ANO1: variants seen among roughly 807,000 people sequenced by gnomAD.
ANO1 encodes the protein anoctamin-1.
A neutral mutation model predicts 124.0 loss-of-function variants in ANO1; 59 were observed. That is an observed-to-expected ratio of 0.48 (90% confidence interval 0.39 to 0.59). The LOEUF (loss-of-function observed/expected upper bound fraction) is 0.59. Ranked by LOEUF, ANO1 falls within the 20% of genes least tolerant of loss-of-function variation. The pLI, the probability that ANO1 is intolerant of heterozygous loss-of-function variation, is 0.00. For missense variants in ANO1, 1,059 were observed against 1,328.0 expected, an observed-to-expected ratio of 0.80 and a Z score of 3.15; for synonymous variants, 529 against 532.0, an observed-to-expected ratio of 0.99 and a Z score of 0.08.
At chr11:70,108,431 C>A (rs140582554) in intron 6 of ANO1, 27 bp downstream of exon 6, 4 of 1,608,286 alleles carry the variant, frequency 2.5e-6, no homozygotes, top group African/African-American at 1.3e-5. Context: ...GGCTTGAGAT[C>A]AGCATTGGTT....
intron 1 of ANO1, among the ~76,000 whole-genome samples, chr11:69,995,535 A>G (rs1459977121): frequency 1.3e-5 from 2 of 152,162 alleles, no homozygotes; most frequent in Non-Finnish European, 2.9e-5. Context: ...CCTCTTGGCC[A>G]TGACAGTTTC....
intron 1 of ANO1, among the ~76,000 whole-genome samples, chr11:70,057,832 T>C (rs147865245): frequency 0.011 from 1,616 of 152,248 alleles, 26 homozygotes; most frequent in African/African-American, 0.037. Flanking sequence ...ACAGGGGATA[T>C]GATGGCTTAG....
chr11:70,124,958 G>C (rs1292237013), intron 9 of ANO1, among the ~76,000 whole-genome samples: 5 of 152,338 alleles, frequency 3.3e-5, no homozygotes, highest in Middle Eastern at 6.8e-3. Flanking sequence ...ACAGGGCTTG[G>C]AATGGAGCCC....
Position 70,174,785 on chromosome 11 carries a change from AC to A in ANO1, c.2350+3750del, listed in dbSNP as rs1165719356. Among the ~76,000 whole-genome samples the A allele has an allele frequency of 2.0e-5, 3 of 152,080 alleles. No homozygotes were observed. The East Asian group carries it at 5.8e-4, about 30-fold the overall frequency. ...GAAAACCTCACCCTGTATACCGAAG[AC>A]CCCAAAAGGGGACCCTGGGTCTGCT... On this transcript the variant is annotated intron_variant, in intron 22 of 25. Transcript: ENST00000355303.
upstream of ANO1, among the ~76,000 whole-genome samples, chr11:69,983,687 G>C (rs944557227): frequency 2.0e-5 from 3 of 152,176 alleles, no homozygotes; most frequent in African/African-American, 7.2e-5. Flanking sequence ...TAGCAGCCGA[G>C]AGCAATCTTT....
At chr11:69,980,619 A>C in the ANO1 span, among the ~76,000 whole-genome samples, 1 of 147,392 alleles carries the variant, frequency 6.8e-6, no homozygotes, top group Admixed American at 6.8e-5. Flanking sequence ...AGACTGTCTC[A>C]AAAAAAAAAC....
upstream of ANO1, among the ~76,000 whole-genome samples, chr11:69,984,188 A>T (rs1855983597): frequency 6.6e-6 from 1 of 152,230 alleles, no homozygotes; most frequent in Admixed American, 6.5e-5. Flanking sequence ...CACAATGGTC[A>T]GATGGAAAAG....
At position 70,036,597 on chromosome 11, in the gene ANO1, G is replaced by A. The variant is rs1809737; in HGVS notation, c.59-41945G>A. ...GTCTGACTGTGTGTGGTTTGTTTGT[G>A]TTTTTGTTTTGTTTTGTTTTGTTTT... On this transcript the variant is annotated intron_variant, in intron 1 of 27. Coordinates refer to the ANO1 transcript ENST00000531349. 0.012 allele frequency among the ~76,000 whole-genome samples: 1,859 copies of A among 151,114 alleles called. 105 individuals carry two copies. The East Asian group carries it at 0.16, about 13-fold the overall frequency.
At chr11:70,155,597 G>A (rs1232222727) in intron 14 of ANO1, among the ~76,000 whole-genome samples, 3 of 152,174 alleles carry the variant, frequency 2.0e-5, no homozygotes, top group Admixed American at 6.5e-5. Flanking sequence ...CTGCACATTT[G>A]GCCACTACCT....
the ANO1 span, among the ~76,000 whole-genome samples, chr11:69,970,556 G>C: frequency 6.6e-6 from 1 of 152,110 alleles, no homozygotes; most frequent in Non-Finnish European, 1.5e-5. Context: ...TTACATAAGG[G>C]GAACTCTGTG....
At chr11:69,982,642 G>A (rs1281965413), upstream of ANO1, among the ~76,000 whole-genome samples, 6 of 152,158 alleles carry the variant, frequency 3.9e-5, no homozygotes, top group African/African-American at 9.7e-5. Flanking sequence ...GCACAAACCC[G>A]GGTGCTGAGA....
intron 16 of ANO1, among the ~76,000 whole-genome samples, chr11:70,159,653 C>T (rs1565262015): frequency 6.6e-6 from 1 of 152,230 alleles, no homozygotes; most frequent in Non-Finnish European, 1.5e-5. Context: ...TGCTGCAGGG[C>T]GTGCCTGTTG....
At chr11:70,036,463 GGGGTACT>G (rs1555004419) in intron 1 of ANO1, among the ~76,000 whole-genome samples, 1 of 152,076 alleles carries the variant, frequency 6.6e-6, no homozygotes, top group African/African-American at 2.4e-5. Context: ...TCAGTTTTCT[GGGGTACT>G]GCTCAGCCCA....
intron 1 of ANO1, among the ~76,000 whole-genome samples, chr11:70,009,759 G>A (rs1856556369): frequency 6.6e-6 from 1 of 152,130 alleles, no homozygotes; most frequent in South Asian, 2.1e-4. Context: ...AGAGAGGGGA[G>A]AGGTGTTGGG....
chr11:69,977,741 A>ACTGC, the ANO1 span, among the ~76,000 whole-genome samples: 1 of 152,202 alleles, frequency 6.6e-6, no homozygotes, highest in Non-Finnish European at 1.5e-5. Flanking sequence ...CCCCCAGATG[A>ACTGC]CTGCAGCCCC....
In ANO1 at chr11:70,078,797, C is replaced by T. The variant is rs2044109872; in HGVS notation, c.108+83C>T. The T allele has an allele frequency of 1.4e-5, 12 of 882,164 alleles. No homozygotes were observed. In the South Asian group the frequency reaches 3.6e-4, roughly 27 times the overall value. 54.6% of individuals were successfully genotyped at this position (882,164 alleles called of 1,614,324 possible). ...GGCGGGAACCGGGCGGCGGCAGGGC[C>T]TCCTGGGACCCCAGGGCGGGGGCCG... On this transcript the variant is annotated intron_variant, in intron 1 of 25. Coordinates refer to ENST00000355303, the MANE Select transcript of ANO1 (RefSeq NM_018043.7).
At position 70,188,309 on chromosome 11, in the gene ANO1, ACTTGAGTCT is replaced by A. The variant is rs2049225416; in HGVS notation, c.*307_*315del. On this transcript the variant is annotated 3_prime_UTR_variant, in exon 26 of 26. Coordinates refer to ENST00000355303, the MANE Select transcript of ANO1 (RefSeq NM_018043.7). ...TGCTTTGCAGAAAGAATGCTTGGAA[ACTTGAGTCT>A]CCCTAGAGGTGAAAAGTGAGCAGAG... is the stretch of plus-strand genomic sequence containing the variant. 2.4e-6 allele frequency: 1 copy of A among 422,348 alleles called. No individual in the cohort carries two copies. The allele number at this position is 422,348 out of a possible 1,614,324, so 26.2% of individuals were successfully genotyped here. A position where few individuals can be genotyped will look rare whatever the true frequency, so the allele number is the denominator to read the frequency against.
At chr11:70,109,823 T>A (rs928894310) in intron 6 of ANO1, among the ~76,000 whole-genome samples, 4 of 152,070 alleles carry the variant, frequency 2.6e-5, no homozygotes, top group South Asian at 2.1e-4. Flanking sequence ...GGACACAGGG[T>A]CTCTGTGTTC....
At chr11:70,020,610 A>G (rs76382505) in intron 1 of ANO1, among the ~76,000 whole-genome samples, 9,415 of 152,122 alleles carry the variant, frequency 0.062, 413 homozygotes, top group Admixed American at 0.13. Flanking sequence ...CAACCCCAAG[A>G]ACACACTCCA....
Sources: gnomAD v4.1 joint callset for allele counts (sites outside exome capture counted in the v4.1 genomes callset) on GRCh38, gnomAD v4.1.1 for gene constraint, MANE v1.5 for transcripts, NCBI Gene and HGNC (gene_info 2026-07-23, HGNC 2026-07-21) for gene names.